SLIT3: variants seen among roughly 807,000 people sequenced by gnomAD.
SLIT3 encodes the protein slit homolog 3 protein.
A neutral mutation model predicts 184.0 loss-of-function variants in SLIT3; 68 were observed. That is an observed-to-expected ratio of 0.37 (90% confidence interval 0.30 to 0.45). The LOEUF is 0.45. Ranked by LOEUF, SLIT3 falls within the 20% of genes least tolerant of loss-of-function variation. SLIT3 has a pLI of 1.00. For missense variants in SLIT3, 1,707 were observed against 2,026.0 expected (o/e 0.84, Z 3.02); for synonymous variants, 831 against 828.6 (o/e 1.00, Z -0.05).
intron 3 of SLIT3, among the ~76,000 whole-genome samples, chr5:169,216,336 C>T (rs1764434094): frequency 6.6e-6 from 1 of 152,210 alleles, no homozygotes; most frequent in Admixed American, 6.5e-5. Context: ...GCCCCAGTGA[C>T]CCTTTGAGCT....
chr5:168,721,440 G>A (rs752802203), intron 23 of SLIT3, among the ~76,000 whole-genome samples: 1 of 152,176 alleles, frequency 6.6e-6, no homozygotes, highest in African/African-American at 2.4e-5. Context: ...ATCCTCATAA[G>A]ACCCTGTGAG....
chr5:169,203,503 C>T (rs1763969831), intron 3 of SLIT3, among the ~76,000 whole-genome samples: 1 of 152,176 alleles, frequency 6.6e-6, no homozygotes, highest in Non-Finnish European at 1.5e-5. Context: ...CCTATAGTGA[C>T]CTCTTCCCCA....
chr5:168,917,729 G>A (rs1761490382), intron 4 of SLIT3, among the ~76,000 whole-genome samples: 1 of 152,140 alleles, frequency 6.6e-6, no homozygotes, highest in Non-Finnish European at 1.5e-5. Context: ...CCTCCAATCT[G>A]GAAGGTTTTG....
At chr5:169,286,834 C>T (rs1277841327) in intron 1 of SLIT3, among the ~76,000 whole-genome samples, 2 of 152,168 alleles carry the variant, frequency 1.3e-5, no homozygotes, top group East Asian at 3.9e-4. Flanking sequence ...CCTCTTTGTT[C>T]GTTAGCAACA....
chr5:169,246,511 T>C (rs1765598393), intron 2 of SLIT3, among the ~76,000 whole-genome samples: 1 of 152,188 alleles, frequency 6.6e-6, no homozygotes, highest in South Asian at 2.1e-4. Context: ...TCTCTCAGAT[T>C]CAGTTTCTTC....
chr5:168,830,609 T>C (rs543413342), intron 6 of SLIT3, among the ~76,000 whole-genome samples: 2 of 152,352 alleles, frequency 1.3e-5, no homozygotes, highest in East Asian at 1.9e-4. Flanking sequence ...ATGAAGTGTT[T>C]ACTAAGTCCC....
intron 3 of SLIT3, among the ~76,000 whole-genome samples, chr5:169,233,100 A>G (rs985814151): frequency 1.3e-5 from 2 of 152,282 alleles, no homozygotes. Flanking sequence ...ATCTTGGCTC[A>G]CTGCAACTTC....
chr5:169,010,096 T>C (rs1756088904), intron 4 of SLIT3, among the ~76,000 whole-genome samples: 1 of 152,160 alleles, frequency 6.6e-6, no homozygotes, highest in Non-Finnish European at 1.5e-5. Context: ...GGAAAAAGCA[T>C]AGCTGGGTGC....
At chr5:169,172,259 AAT>A (rs1317765268) in intron 4 of SLIT3, among the ~76,000 whole-genome samples, 6 of 152,210 alleles carry the variant, frequency 3.9e-5, no homozygotes, top group Non-Finnish European at 8.8e-5. Flanking sequence ...TCCCAGGAGA[AAT>A]ACCAGATTGT....
intron 4 of SLIT3, among the ~76,000 whole-genome samples, chr5:169,051,189 A>G (rs1003919531): frequency 3.9e-5 from 6 of 152,224 alleles, no homozygotes; most frequent in African/African-American, 1.4e-4. Flanking sequence ...TCAAGGGATC[A>G]ATTTAGATTC....
At chr5:169,151,782 C>T (rs1230466732) in intron 4 of SLIT3, among the ~76,000 whole-genome samples, 2 of 152,176 alleles carry the variant, frequency 1.3e-5, no homozygotes, top group Non-Finnish European at 1.5e-5. Flanking sequence ...GGGCACATCC[C>T]TCAGTGGTCA....
At chr5:169,261,150 G>T (rs1385862741) in intron 1 of SLIT3, among the ~76,000 whole-genome samples, 1 of 152,244 alleles carries the variant, frequency 6.6e-6, no homozygotes, top group Non-Finnish European at 1.5e-5. Context: ...ATAAACAAAA[G>T]CTTACAGAAG....
At chr5:168,696,548 GGTCTGA>G in intron 27 of SLIT3, 117 bp from the exon 28 acceptor site, 1 of 1,259,136 alleles carries the variant, frequency 7.9e-7, no homozygotes, top group Non-Finnish European at 1.1e-6. Flanking sequence ...TCCAGATGGA[GGTCTGA>G]GAAAGCACTT....
At chr5:169,268,592 G>A (rs1365521389) in intron 1 of SLIT3, among the ~76,000 whole-genome samples, 3 of 152,174 alleles carry the variant, frequency 2.0e-5, no homozygotes, top group African/African-American at 2.4e-5. Flanking sequence ...ATCCATGAGA[G>A]AAGGCAACAG....
intron 4 of SLIT3, among the ~76,000 whole-genome samples, chr5:168,922,476 AG>A (rs141086572): frequency 2.0e-5 from 3 of 150,614 alleles, no homozygotes; most frequent in Admixed American, 6.6e-5. Flanking sequence ...AAAAAAAAAA[AG>A]AAGTGGAAGG....
intron 4 of SLIT3, among the ~76,000 whole-genome samples, chr5:169,131,168 A>C (rs1332228442): frequency 6.6e-6 from 1 of 152,234 alleles, no homozygotes; most frequent in Non-Finnish European, 1.5e-5. Flanking sequence ...CAACTACATT[A>C]CTTAGCTGTT....
In SLIT3 at chr5:168,902,762, T is replaced by C. The variant is rs116417218; in HGVS notation, c.414-19426A>G. Among the ~76,000 whole-genome samples the C allele has an allele frequency of 3.0e-3, 452 of 152,328 alleles. 2 individuals carry two copies. Among genetic ancestry groups the C allele is most frequent in the African/African-American group, 0.01 (425 of 41,578 alleles). ...GAGAATCCACTGGTGTAAAGCTTGC[T>C]GGGCAGAGGGGACACTGCACGAGGA... On this transcript the variant is annotated intron_variant, in intron 4 of 35. Coordinates refer to ENST00000519560, the MANE Select transcript of SLIT3 (RefSeq NM_003062.4).
At chr5:169,055,408 T>C (rs1219915477) in intron 4 of SLIT3, among the ~76,000 whole-genome samples, 1 of 152,168 alleles carries the variant, frequency 6.6e-6, no homozygotes, top group Non-Finnish European at 1.5e-5. Flanking sequence ...AGTTGAATGA[T>C]GTGCAAAGTT....
intron 5 of SLIT3, among the ~76,000 whole-genome samples, chr5:168,846,363 A>G (rs1366576541): frequency 1.3e-5 from 2 of 152,024 alleles, no homozygotes; most frequent in Non-Finnish European, 2.9e-5. Context: ...CTCGACCCCT[A>G]ATTCTTCTGG....
Sources: gnomAD v4.1 joint callset for allele counts (sites outside exome capture counted in the v4.1 genomes callset) on GRCh38, gnomAD v4.1.1 for gene constraint, MANE v1.5 for transcripts, NCBI Gene and HGNC (gene_info 2026-07-23, HGNC 2026-07-21) for gene names.